Variants in PLPP1 observed in about 807,000 individuals in gnomAD.
The protein encoded by PLPP1 is phospholipid phosphatase 1.
Under a neutral mutation model 31.2 loss-of-function variants are expected in PLPP1, and 24 were observed. That is an observed-to-expected ratio of 0.77 (90% CI 0.56 to 1.08). The LOEUF (loss-of-function observed/expected upper bound fraction) is 1.08. Among genes scored for constraint, PLPP1 ranks in the 50% least tolerant of loss-of-function variants. The pLI is 0.00. For missense variants in PLPP1, 319 were observed against 342.7 expected (o/e 0.93, Z 0.55); for synonymous variants, 146 against 126.3 (o/e 1.16, Z -1.05).
intron 4 of PLPP1, among the ~76,000 whole-genome samples, chr5:55,438,858 G>T (rs571692510): frequency 1.1e-4 from 16 of 151,320 alleles, no homozygotes; most frequent in Admixed American, 3.3e-4. Flanking sequence ...CCGAGATCGC[G>T]CCACTGCACT....
At chr5:55,442,666 T>TAAAC (rs1239344113) in intron 3 of PLPP1, among the ~76,000 whole-genome samples, 1 of 81,090 alleles carries the variant, frequency 1.2e-5, no homozygotes, top group African/African-American at 4.3e-5. Context: ...AAAAAAAAAT[T>TAAAC]TGGTGTTTTA....
chr5:55,433,607 C>T (rs1410803614), intron 4 of PLPP1, among the ~76,000 whole-genome samples: 1 of 147,758 alleles, frequency 6.8e-6, no homozygotes, highest in Admixed American at 6.8e-5. Context: ...TCAAGCAATT[C>T]TCCTGCCTCA....
chr5:55,438,080 A>G (rs753786208), intron 4 of PLPP1, among the ~76,000 whole-genome samples: 11 of 152,236 alleles, frequency 7.2e-5, no homozygotes, highest in African/African-American at 1.2e-4. Flanking sequence ...CAGGAATTTC[A>G]TAACAGGCGG....
chr5:55,450,611 TA>T (rs1228671830), intron 3 of PLPP1, among the ~76,000 whole-genome samples: 2 of 151,898 alleles, frequency 1.3e-5, no homozygotes, highest in African/African-American at 2.4e-5. Context: ...ACAAAAAGGG[TA>T]AAACACATAC....
chr5:55,482,427 C>T (rs1752691120), intron 1 of PLPP1, among the ~76,000 whole-genome samples: 2 of 152,082 alleles, frequency 1.3e-5, no homozygotes, highest in African/African-American at 4.8e-5. Context: ...TGTAGTTTTT[C>T]ATAAAATTTT....
intron 1 of PLPP1, among the ~76,000 whole-genome samples, chr5:55,509,554 CACTT>C (rs1753360225): frequency 6.6e-6 from 1 of 152,134 alleles, no homozygotes; most frequent in Admixed American, 6.6e-5. Context: ...ATATAAGTGA[CACTT>C]ACCAAAGATG....
At chr5:55,534,457 G>T in intron 1 of PLPP1, 115 bp downstream of exon 1, 2 of 1,108,692 alleles carry the variant, frequency 1.8e-6, no homozygotes, top group Non-Finnish European at 1.2e-6. Flanking sequence ...CCCGTGTGTC[G>T]CCCCACAGCT....
At chr5:55,530,347 G>A (rs1031679283) in intron 1 of PLPP1, 2 of 1,386,162 alleles carry the variant, frequency 1.4e-6, no homozygotes, top group Admixed American at 1.7e-5. Context: ...GGAACTATCT[G>A]AAATAAGTGA....
intron 5 of PLPP1, 192 bp downstream of exon 5, chr5:55,425,670 AC>A: frequency 1.9e-6 from 1 of 518,062 alleles, no homozygotes; most frequent in Admixed American, 3.9e-5. Context: ...ATTTTACAAA[AC>A]TACTAAGTTT....
intron 4 of PLPP1, among the ~76,000 whole-genome samples, chr5:55,427,126 C>G (rs1158599550): frequency 6.6e-6 from 1 of 151,922 alleles, no homozygotes; most frequent in Non-Finnish European, 1.5e-5. Context: ...AATTTCTATC[C>G]AATAACAATA....
chr5:55,473,998 T>TTG (rs1554039238), intron 2 of PLPP1, among the ~76,000 whole-genome samples: 2 of 143,788 alleles, frequency 1.4e-5, no homozygotes, highest in African/African-American at 5.4e-5. Context: ...TTGTTTGTTG[T>TTG]TTTTTTTTTT....
At chr5:55,430,913 C>A (rs555179292) in intron 4 of PLPP1, among the ~76,000 whole-genome samples, 1 of 152,128 alleles carries the variant, frequency 6.6e-6, no homozygotes, top group South Asian at 2.1e-4. Flanking sequence ...AAAAAAAATT[C>A]TGAAATTGAT....
intron 1 of PLPP1, among the ~76,000 whole-genome samples, chr5:55,525,346 G>A (rs1193151065): frequency 6.6e-6 from 1 of 152,102 alleles, no homozygotes; most frequent in Non-Finnish European, 1.5e-5. Flanking sequence ...CAGGCACAAA[G>A]AGAAAACTTT....
At position 55,534,681 on chromosome 5, in the gene PLPP1, C is replaced by T. The variant is rs558873286; in HGVS notation, c.-52G>A. ...GGCGATGGACTGAGCTGCGGGACGG[C>T]GGCCGAGGCCCTTGATTCTCGAGCC... is the stretch of plus-strand genomic sequence containing the variant. On this transcript the variant is annotated 5_prime_UTR_variant, in exon 1 of 6. Coordinates refer to ENST00000307259, the MANE Select transcript of PLPP1 (RefSeq NM_003711.4). 1.3e-6 allele frequency: 2 copies of T among 1,497,956 alleles called. No homozygotes were observed. The highest frequency in any genetic ancestry group is 2.5e-5 in the South Asian group (2 of 79,948). The allele number at this position is 1,497,956 out of a possible 1,614,324, so 92.8% of individuals were successfully genotyped here. A position where few individuals can be genotyped will look rare whatever the true frequency, so the allele number is the denominator to read the frequency against.
intron 2 of PLPP1, among the ~76,000 whole-genome samples, chr5:55,472,706 AAG>A (rs918161832): frequency 6.6e-6 from 1 of 151,608 alleles, no homozygotes; most frequent in African/African-American, 2.4e-5. Context: ...GAGAGAGAAA[AAG>A]AGAAAGAGAG....
intron 3 of PLPP1, among the ~76,000 whole-genome samples, chr5:55,449,892 A>C (rs946957509): frequency 6.6e-6 from 1 of 152,170 alleles, no homozygotes; most frequent in African/African-American, 2.4e-5. Context: ...TACCTCTCCC[A>C]AAGGGTACAG....
rs1399360147 is a variant in PLPP1 at position 55,440,686 on chromosome 5, A to G, written c.549+1165T>C. Among the ~76,000 whole-genome samples the G allele has an allele frequency of 3.3e-5, 5 of 152,384 alleles. No homozygotes were observed. The East Asian group carries it at 5.8e-4, about 18-fold the overall frequency. On this transcript the variant is annotated intron_variant, in intron 4 of 5. Transcript: ENST00000307259. ...TTGAGGTTCTGACTTTGAATTTTAT[A>G]TAACACATCTACAATTTACATATTC...
At position 55,473,154 on chromosome 5, in the gene PLPP1, C is replaced by T. The variant is rs146029514; in HGVS notation, c.210+2145G>A. 2.7e-3 allele frequency among the ~76,000 whole-genome samples: 412 copies of T among 152,290 alleles called. 1 individual carries two copies. Among genetic ancestry groups the T allele is most frequent in the Middle Eastern group, 0.01 (3 of 294 alleles). Reference sequence around the variant, plus strand: ...CATACATACTTTTTAAAAAAAGACCCTACTCCCTCCTTAATGGAAGAATTA... The same window carrying T: ...CATACATACTTTTTAAAAAAAGACCTTACTCCCTCCTTAATGGAAGAATTA... On this transcript the variant is annotated intron_variant, in intron 2 of 5. Transcript: ENST00000307259.
chr5:55,490,810 A>G (rs1213437250), intron 1 of PLPP1: 1 of 823,968 alleles, frequency 1.2e-6, no homozygotes, highest in African/African-American at 1.7e-5. Flanking sequence ...CTGCCTCTGG[A>G]CTAAAACAGT....
Sources: allele counts gnomAD v4.1 joint callset (sites outside exome capture counted in the v4.1 genomes callset), GRCh38; gene constraint gnomAD v4.1.1; transcripts MANE v1.5; gene names NCBI Gene and HGNC (gene_info 2026-07-23, HGNC 2026-07-21).